The following ALPK1 variants were observed in gnomAD, a reference collection of about 807,000 sequenced individuals.
ALPK1 encodes the protein alpha-protein kinase 1.
In ALPK1, 110 loss-of-function variants were observed where a neutral mutation model predicts 120.6. The ratio of observed to expected loss-of-function variants is 0.91; its 90% CI spans 0.78 to 1.07. The LOEUF is 1.07. ALPK1 is among the 50% of genes least tolerant of loss of function. The pLI is 0.00. For synonymous variants in ALPK1, 582 were observed against 560.3 expected (o/e 1.04, Z -0.55); for missense variants, 1,498 against 1,483.9 (o/e 1.01, Z -0.16).
At chr4:112,433,856 T>G (rs557370643) in intron 11 of ALPK1, among the ~76,000 whole-genome samples, 1 of 152,216 alleles carries the variant, frequency 6.6e-6, no homozygotes, top group East Asian at 1.9e-4. Context: ...TTTAAAAACT[T>G]CCAATGCCTC....
chr4:112,333,903 T>C (rs1211953241), intron 2 of ALPK1, among the ~76,000 whole-genome samples: 1 of 152,112 alleles, frequency 6.6e-6, no homozygotes, highest in African/African-American at 2.4e-5. Context: ...CTTTTGCTTT[T>C]GTTTTTTGTT....
At chr4:112,330,521 A>G (rs6829831) in intron 2 of ALPK1, among the ~76,000 whole-genome samples, 95,724 of 151,952 alleles carry the variant, frequency 0.63, 31,465 homozygotes, top group East Asian at 0.89. Context: ...CAACTGGTTA[A>G]AAGGCTAGAG....
intron 2 of ALPK1, among the ~76,000 whole-genome samples, chr4:112,349,580 G>A (rs1730256109): frequency 8.5e-6 from 1 of 117,766 alleles, no homozygotes; most frequent in Non-Finnish European, 1.6e-5. Context: ...TTGAGACAGA[G>A]TTTTGTCCTG....
At chr4:112,399,612 G>T (rs1732816599) in intron 4 of ALPK1, among the ~76,000 whole-genome samples, 1 of 152,054 alleles carries the variant, frequency 6.6e-6, no homozygotes, top group Non-Finnish European at 1.5e-5. Context: ...TTAAGTTCTG[G>T]GATACATGTA....
chr4:112,375,346 A>AT (rs1388569880), intron 2 of ALPK1, among the ~76,000 whole-genome samples: 1 of 151,736 alleles, frequency 6.6e-6, no homozygotes, highest in African/African-American at 2.4e-5. Flanking sequence ...CACCCAGCTA[A>AT]TTTTTTTATT....
At chr4:112,400,768 T>C (rs1389213695) in intron 4 of ALPK1, among the ~76,000 whole-genome samples, 1 of 152,122 alleles carries the variant, frequency 6.6e-6, no homozygotes, top group Admixed American at 6.5e-5. Flanking sequence ...CAGATGTGGG[T>C]TGGAAAATTC....
intron 11 of ALPK1, among the ~76,000 whole-genome samples, chr4:112,434,502 A>G (rs1734707341): frequency 6.6e-6 from 1 of 152,216 alleles, no homozygotes; most frequent in Non-Finnish European, 1.5e-5. Context: ...CTTAGGATTC[A>G]TGTGGGTGTT....
Position 112,431,491 on chromosome 4 carries a change from C to T in ALPK1, c.1944C>T (p.Leu648=), listed in dbSNP as rs144596104. 326 of 1,614,188 alleles carry T rather than the reference C, an allele frequency of 2.0e-4. No homozygotes were observed. Among genetic ancestry groups the T allele is most frequent in the Middle Eastern group, 1.5e-3 (9 of 6,062 alleles). Reference sequence around the variant, plus strand: ...CATTGCATTCACAGCTTCATGATCTCTCTCTTCAGGAACCCAACAATGACA... The same window carrying T: ...CATTGCATTCACAGCTTCATGATCTTTCTCTTCAGGAACCCAACAATGACA... ...MHSLHSQLHD[L]SLQEPNNDNL... is the part of the protein sequence containing the mutation. Residue 648 remains leucine (L), a synonymous_variant, in exon 11 of 16, where the codon CTC becomes CTT. Transcript: ENST00000650871.
At chr4:112,408,718 C>A (rs1173064953) in intron 4 of ALPK1, among the ~76,000 whole-genome samples, 5 of 152,168 alleles carry the variant, frequency 3.3e-5, no homozygotes, top group Admixed American at 6.5e-5. Flanking sequence ...AAGTGTTCCA[C>A]CCACCTCAGC....
intron 2 of ALPK1, among the ~76,000 whole-genome samples, chr4:112,370,474 G>A (rs1323010589): frequency 6.6e-6 from 1 of 152,048 alleles, no homozygotes; most frequent in African/African-American, 2.4e-5. Flanking sequence ...AACATACTGG[G>A]GAATTCCCAT....
intron 4 of ALPK1, among the ~76,000 whole-genome samples, chr4:112,409,115 T>A (rs888502859): frequency 4.6e-5 from 7 of 151,810 alleles, no homozygotes; most frequent in Non-Finnish European, 7.4e-5. Context: ...CTATATTTTT[T>A]AGTTCAGATT....
At chr4:112,418,869 A>G (rs1733863800) in intron 5 of ALPK1, among the ~76,000 whole-genome samples, 1 of 152,232 alleles carries the variant, frequency 6.6e-6, no homozygotes, top group Non-Finnish European at 1.5e-5. Flanking sequence ...GTCAAGAAAA[A>G]AAGTACCTCA....
At chr4:112,429,852 A>G (rs1241442411) in intron 10 of ALPK1, among the ~76,000 whole-genome samples, 1 of 135,970 alleles carries the variant, frequency 7.4e-6, no homozygotes, top group African/African-American at 2.8e-5. Context: ...AAAAAAAAAA[A>G]AAGAAAAGAA....
intron 2 of ALPK1, chr4:112,356,263 C>A: frequency 3.0e-6 from 4 of 1,319,962 alleles, no homozygotes; most frequent in Non-Finnish European, 4.4e-6. Context: ...GCCCCGCGGG[C>A]ACAGGCAAGA....
Position 112,329,631 on chromosome 4 carries a change from T to C in ALPK1, c.-101+13779T>C, listed in dbSNP as rs552175174. 6.6e-5 allele frequency among the ~76,000 whole-genome samples: 10 copies of C among 152,356 alleles called. No homozygotes were observed. The East Asian group carries it at 1.9e-3, about 29-fold the overall frequency. On this transcript the variant is annotated intron_variant, in intron 2 of 15. Transcript: ENST00000650871. ...TGTTATCTAAGGGTTGATTTGGATTTAAAGGCACCCATTAGTAGAAGGCAG... is the reference window on the plus strand; with the variant it reads ...TGTTATCTAAGGGTTGATTTGGATTCAAAGGCACCCATTAGTAGAAGGCAG...
intron 14 of ALPK1, 58 bp from the exon 15 acceptor site, chr4:112,440,859 A>T: frequency 2.0e-6 from 3 of 1,512,398 alleles, no homozygotes; most frequent in East Asian, 4.6e-5. Flanking sequence ...ATTTTTGTAA[A>T]CACTTGATGG....
At chr4:112,357,919 A>T in intron 2 of ALPK1, 1 of 980,114 alleles carries the variant, frequency 1.0e-6, no homozygotes, top group Non-Finnish European at 1.6e-6. Context: ...CTTCTCTGAG[A>T]CCATGGGTGC....
chr4:112,376,613 G>T (rs183612213), intron 2 of ALPK1, among the ~76,000 whole-genome samples: 2 of 152,298 alleles, frequency 1.3e-5, no homozygotes, highest in Admixed American at 1.3e-4. Flanking sequence ...GAAACCATTG[G>T]CTAGTAGAGC....
intron 2 of ALPK1, chr4:112,356,253 G>A: frequency 7.1e-7 from 1 of 1,413,302 alleles, no homozygotes; most frequent in Non-Finnish European, 1.0e-6. Flanking sequence ...ATCCTGGAGA[G>A]CCCCGCGGGC....
Sources: gnomAD v4.1 joint callset for allele counts (sites outside exome capture counted in the v4.1 genomes callset) on GRCh38, gnomAD v4.1.1 for gene constraint, MANE v1.5 for transcripts, NCBI Gene and HGNC (gene_info 2026-07-23, HGNC 2026-07-21) for gene names.